OTUD7A: variants seen among roughly 807,000 people sequenced by gnomAD.
OTUD7A encodes the protein OTU deubiquitinase 7A.
A neutral mutation model predicts 65.7 loss-of-function variants in OTUD7A; 12 were observed. The ratio of observed to expected loss-of-function variants is 0.18; its 90% CI spans 0.12 to 0.30. The LOEUF (loss-of-function observed/expected upper bound fraction) is 0.30. Ranked by LOEUF, OTUD7A falls within the 10% of genes least tolerant of loss-of-function variation. The pLI is 1.00. For synonymous variants in OTUD7A, 641 were observed against 586.3 expected (o/e 1.09, Z -1.35); for missense variants, 1,148 against 1,304.8 (o/e 0.88, Z 1.85).
intron 1 of OTUD7A, among the ~76,000 whole-genome samples, chr15:31,666,221 C>T (rs1452435977): frequency 2.0e-5 from 3 of 151,108 alleles, no homozygotes; most frequent in East Asian, 1.9e-4. Context: ...GGAATAGCGT[C>T]GAATTCTGCT....
At chr15:31,629,395 C>T (rs1046898272) in intron 3 of OTUD7A, among the ~76,000 whole-genome samples, 6 of 152,224 alleles carry the variant, frequency 3.9e-5, no homozygotes, top group South Asian at 2.1e-4. Flanking sequence ...TGGATTACAT[C>T]TATTGATTTG....
intron 3 of OTUD7A, among the ~76,000 whole-genome samples, chr15:31,636,027 G>A (rs540035305): frequency 6.6e-6 from 1 of 152,302 alleles, no homozygotes; most frequent in Non-Finnish European, 1.5e-5. Flanking sequence ...AAATTTAATC[G>A]CTTTATACAA....
chr15:31,837,825 A>C (rs966318468), intron 1 of OTUD7A, among the ~76,000 whole-genome samples: 2 of 152,234 alleles, frequency 1.3e-5, no homozygotes, highest in Non-Finnish European at 2.9e-5. Flanking sequence ...AGCTAAAATA[A>C]CTTTGAAAAA....
At chr15:31,619,753 CTTTA>C (rs201679577) in intron 3 of OTUD7A, among the ~76,000 whole-genome samples, 43,052 of 151,420 alleles carry the variant, frequency 0.28, 7,113 homozygotes, top group African/African-American at 0.46. Context: ...ATTGAATACC[CTTTA>C]TTTCTTTCTC....
chr15:31,832,144 T>C (rs1217565721), intron 1 of OTUD7A, among the ~76,000 whole-genome samples: 1 of 152,230 alleles, frequency 6.6e-6, no homozygotes, highest in African/African-American at 2.4e-5. Context: ...TGGGCCAGTG[T>C]TGCAGGGAGC....
intron 8 of OTUD7A, among the ~76,000 whole-genome samples, chr15:31,516,294 G>A (rs2041854252): frequency 6.6e-6 from 1 of 152,218 alleles, no homozygotes; most frequent in African/African-American, 2.4e-5. Flanking sequence ...GCCCAGTTGA[G>A]AGGTGATGGA....
At chr15:31,519,449 A>C (rs890191433) in intron 8 of OTUD7A, among the ~76,000 whole-genome samples, 6 of 152,226 alleles carry the variant, frequency 3.9e-5, no homozygotes, top group Non-Finnish European at 8.8e-5. Flanking sequence ...ACAATTCAGC[A>C]TCACTTCATG....
At chr15:31,630,060 T>G (rs1891093931) in intron 3 of OTUD7A, among the ~76,000 whole-genome samples, 1 of 149,584 alleles carries the variant, frequency 6.7e-6, no homozygotes, top group South Asian at 2.2e-4. Flanking sequence ...ATTCATTAAT[T>G]TTTTGAAGGG....
At chr15:31,720,303 G>A (rs1364985000) in intron 1 of OTUD7A, among the ~76,000 whole-genome samples, 1 of 151,686 alleles carries the variant, frequency 6.6e-6, no homozygotes, top group Non-Finnish European at 1.5e-5. Flanking sequence ...CCAGTCAATG[G>A]TCTGCATATA....
At chr15:31,522,164 T>G (rs923390340) in intron 8 of OTUD7A, among the ~76,000 whole-genome samples, 2 of 152,222 alleles carry the variant, frequency 1.3e-5, no homozygotes, top group Admixed American at 1.3e-4. Context: ...TCTGCATGTG[T>G]CTGTGAGGGC....
intron 10 of OTUD7A, among the ~76,000 whole-genome samples, chr15:31,493,235 G>A (rs1029568005): frequency 6.6e-6 from 1 of 151,990 alleles, no homozygotes; most frequent in Non-Finnish European, 1.5e-5. Flanking sequence ...GAGAGCTAGA[G>A]TAGCCATATT....
chr15:31,841,430 A>T (rs1031167170), intron 1 of OTUD7A, among the ~76,000 whole-genome samples: 2 of 152,194 alleles, frequency 1.3e-5, no homozygotes, highest in East Asian at 3.9e-4. Flanking sequence ...CCTCGAGGAC[A>T]CATGCAACAA....
At chr15:31,811,935 T>C (rs1896428069) in intron 1 of OTUD7A, among the ~76,000 whole-genome samples, 1 of 152,120 alleles carries the variant, frequency 6.6e-6, no homozygotes, top group South Asian at 2.1e-4. Flanking sequence ...TCAGCTTCAC[T>C]CTCGCTGGAG....
At chr15:31,739,377 A>T (rs1178844977) in intron 1 of OTUD7A, among the ~76,000 whole-genome samples, 1 of 152,202 alleles carries the variant, frequency 6.6e-6, no homozygotes, top group Non-Finnish European at 1.5e-5. Context: ...TTCTCAAAAA[A>T]TTAATGAAAT....
At chr15:31,720,196 T>G (rs1024600278) in intron 1 of OTUD7A, among the ~76,000 whole-genome samples, 52 of 150,394 alleles carry the variant, frequency 3.5e-4, no homozygotes, top group African/African-American at 1.3e-3. Flanking sequence ...GGGAGCCCGG[T>G]GAATTGGCCA....
At chr15:31,768,777 C>T (rs1895155728) in intron 1 of OTUD7A, among the ~76,000 whole-genome samples, 1 of 152,128 alleles carries the variant, frequency 6.6e-6, no homozygotes, top group South Asian at 2.1e-4. Context: ...AAGGTTTCTA[C>T]ATTCCATATT....
At chr15:31,767,266 C>T in intron 1 of OTUD7A, 1 of 858,234 alleles carries the variant, frequency 1.2e-6, no homozygotes, top group Non-Finnish European at 2.0e-6. Flanking sequence ...GTTATGTAGC[C>T]ACAAACAACT....
chr15:31,646,625 T>A (rs1341907751), intron 3 of OTUD7A, among the ~76,000 whole-genome samples: 1 of 152,040 alleles, frequency 6.6e-6, no homozygotes, highest in Non-Finnish European at 1.5e-5. Context: ...CACGCCTGGC[T>A]AATTTTTGTA....
chr15:31,802,846 G>A (rs1896171589), intron 1 of OTUD7A, among the ~76,000 whole-genome samples: 1 of 152,154 alleles, frequency 6.6e-6, no homozygotes, highest in Admixed American at 6.5e-5. Context: ...GACTACTTCA[G>A]GTCAAATTCT....
Sources: gnomAD v4.1 joint callset for allele counts (sites outside exome capture counted in the v4.1 genomes callset) on GRCh38, gnomAD v4.1.1 for gene constraint, MANE v1.5 for transcripts, NCBI Gene and HGNC (gene_info 2026-07-23, HGNC 2026-07-21) for gene names.